Variants in XKR6 observed in about 807,000 individuals in gnomAD.
The protein encoded by XKR6 is XK-related protein 6.
A neutral mutation model predicts 56.7 loss-of-function variants in XKR6; 22 were observed. The observed-to-expected ratio is 0.39, with a 90% CI of 0.28 to 0.55. XKR6 has a LOEUF of 0.55. Ranked by LOEUF, XKR6 falls within the 20% of genes least tolerant of loss-of-function variation. The probability of loss-of-function intolerance (pLI) is 0.66; values close to 1 mark genes in which losing one functional copy is unlikely to be tolerated. For synonymous variants in XKR6, 524 were observed against 387.8 expected (o/e 1.35, Z -4.13); for missense variants, 852 against 889.0 (o/e 0.96, Z 0.53).
At chr8:11,149,890 T>TA (rs1801182647) in intron 1 of XKR6, among the ~76,000 whole-genome samples, 4 of 152,250 alleles carry the variant, frequency 2.6e-5, no homozygotes, top group Admixed American at 2.0e-4. Context: ...GATGAAATAC[T>TA]ATTCAGCCAC....
In XKR6 at chr8:11,178,892, G is replaced by C. The variant is rs939028910; in HGVS notation, c.764+21684C>G. Among the ~76,000 whole-genome samples the C allele has an allele frequency of 2.6e-5, 4 of 151,550 alleles. No homozygotes were observed. In the South Asian group the frequency reaches 6.2e-4, roughly 24 times the overall value. ...ACTCAGGCACCCAGGTTGGAGAGTA[G>C]AGTGCAGTGGCACAATCACAGCTCA... is the stretch of plus-strand genomic sequence containing the variant. On this transcript the variant is annotated intron_variant, in intron 1 of 2. Transcript: ENST00000416569.
In XKR6 at chr8:11,006,804, C is replaced by T. The variant is rs547634766; in HGVS notation, c.765-81974G>A. 7.2e-5 allele frequency among the ~76,000 whole-genome samples: 11 copies of T among 152,356 alleles called. No individual in the cohort carries two copies. In the East Asian group the frequency reaches 1.9e-3, roughly 27 times the overall value. ...TAGCTGGATATGGAGTTCCCTGTGGCTGCCGCTGCAGGTTACCCTACCAGC... is the reference window on the plus strand; with the variant it reads ...TAGCTGGATATGGAGTTCCCTGTGGTTGCCGCTGCAGGTTACCCTACCAGC... On this transcript the variant is annotated intron_variant, in intron 1 of 2. Transcript: ENST00000416569.
intron 1 of XKR6, among the ~76,000 whole-genome samples, chr8:11,059,549 G>A (rs1799775582): frequency 3.3e-5 from 5 of 151,974 alleles, no homozygotes; most frequent in African/African-American, 9.7e-5. Context: ...CCGGCCCGGC[G>A]AGCGACAAGA....
chr8:11,166,612 G>A (rs7837525), intron 1 of XKR6, among the ~76,000 whole-genome samples: 8 of 151,644 alleles, frequency 5.3e-5, no homozygotes, highest in South Asian at 2.1e-4. Context: ...CACTCTTGTC[G>A]CTCAGGCTGG....
chr8:10,955,013 C>A (rs1327908661), intron 1 of XKR6, among the ~76,000 whole-genome samples: 1 of 151,948 alleles, frequency 6.6e-6, no homozygotes, highest in African/African-American at 2.4e-5. Flanking sequence ...GGATTACAGG[C>A]ATGTGCCACC....
At chr8:10,975,439 C>A (rs544448130) in intron 1 of XKR6, among the ~76,000 whole-genome samples, 4 of 152,248 alleles carry the variant, frequency 2.6e-5, no homozygotes, top group Admixed American at 2.6e-4. Flanking sequence ...CAGCCAAGAG[C>A]CGCCTTTGGT....
At chr8:11,066,175 T>G (rs1799972542) in intron 1 of XKR6, among the ~76,000 whole-genome samples, 1 of 152,242 alleles carries the variant, frequency 6.6e-6, no homozygotes. Flanking sequence ...CAGCCCTCCC[T>G]GTGGCTTGCC....
intron 1 of XKR6, among the ~76,000 whole-genome samples, chr8:11,086,946 C>T (rs1039629835): frequency 2.6e-5 from 4 of 152,218 alleles, no homozygotes; most frequent in Admixed American, 2.6e-4. Flanking sequence ...TCTTAGCGAT[C>T]TCCAGGCAGT....
intron 1 of XKR6, among the ~76,000 whole-genome samples, chr8:11,193,495 A>T (rs1350116759): frequency 6.6e-6 from 1 of 152,216 alleles, no homozygotes; most frequent in Non-Finnish European, 1.5e-5. Context: ...ATGTCACTGT[A>T]ACAATAGCCA....
intron 1 of XKR6, among the ~76,000 whole-genome samples, chr8:10,949,152 C>G (rs1801640082): frequency 6.6e-6 from 1 of 152,254 alleles, no homozygotes; most frequent in Admixed American, 6.5e-5. Context: ...GGGGCTGCCT[C>G]TGCAGGGGCC....
intron 1 of XKR6, among the ~76,000 whole-genome samples, chr8:10,968,809 G>A (rs552450822): frequency 8.5e-5 from 13 of 152,224 alleles, no homozygotes; most frequent in African/African-American, 3.1e-4. Flanking sequence ...AAAGATTTCT[G>A]GGCACAGGGC....
intron 1 of XKR6, among the ~76,000 whole-genome samples, chr8:10,944,577 G>C (rs1348690389): frequency 1.3e-5 from 2 of 152,188 alleles, no homozygotes; most frequent in African/African-American, 4.8e-5. Context: ...GCAGCTCAAA[G>C]GGCCTGCAGA....
intron 1 of XKR6, among the ~76,000 whole-genome samples, chr8:10,991,705 G>T (rs752227308): frequency 6.6e-6 from 1 of 152,254 alleles, no homozygotes; most frequent in East Asian, 1.9e-4. Flanking sequence ...CCAGAATCAT[G>T]ATTTCTAAAT....
intron 1 of XKR6, among the ~76,000 whole-genome samples, chr8:11,034,891 A>G (rs1251468109): frequency 6.6e-6 from 1 of 152,188 alleles, no homozygotes; most frequent in Admixed American, 6.5e-5. Context: ...AGTGATGCAT[A>G]AGCTGGGCTT....
At chr8:11,039,448 T>G (rs1185667807) in intron 1 of XKR6, among the ~76,000 whole-genome samples, 1 of 152,194 alleles carries the variant, frequency 6.6e-6, no homozygotes, top group African/African-American at 2.4e-5. Flanking sequence ...GGACACGCTG[T>G]GTGTGCAAGA....
intron 1 of XKR6, among the ~76,000 whole-genome samples, chr8:10,968,762 CAG>C (rs1430396245): frequency 1.3e-5 from 2 of 152,158 alleles, no homozygotes; most frequent in African/African-American, 2.4e-5. Flanking sequence ...TGAGGAAGAA[CAG>C]AGAAGAAAGA....
intron 1 of XKR6, among the ~76,000 whole-genome samples, chr8:11,157,684 T>A (rs1362665679): frequency 6.6e-6 from 1 of 152,068 alleles, no homozygotes; most frequent in Admixed American, 6.5e-5. Flanking sequence ...CATAGCTAAT[T>A]CTTTGGGGTT....
chr8:10,998,615 C>A (rs891287734), intron 1 of XKR6, among the ~76,000 whole-genome samples: 18 of 152,208 alleles, frequency 1.2e-4, no homozygotes, highest in Admixed American at 3.9e-4. Context: ...TCCAGCAGAG[C>A]AGGCTGCAAA....
chr8:10,921,889 G>T (rs541499282), intron 2 of XKR6, among the ~76,000 whole-genome samples: 1 of 152,358 alleles, frequency 6.6e-6, no homozygotes, highest in South Asian at 2.1e-4. Flanking sequence ...CCAAAGTTCA[G>T]ATGTTGCCAG....
Sources: allele counts gnomAD v4.1 joint callset (sites outside exome capture counted in the v4.1 genomes callset), GRCh38; gene constraint gnomAD v4.1.1; transcripts MANE v1.5; gene names NCBI Gene and HGNC (gene_info 2026-07-23, HGNC 2026-07-21).